The following WWOX variants were observed in gnomAD, a reference collection of about 807,000 sequenced individuals.
WWOX encodes WW domain containing oxidoreductase.
WWOX carries 69 observed loss-of-function variants against 46.2 expected under a neutral mutation model. The ratio of observed to expected loss-of-function variants is 1.49; its 90% CI spans 1.23 to 1.82. WWOX has a LOEUF of 1.82. Ranked by LOEUF, WWOX falls within the 40% of genes most tolerant of loss-of-function variation. WWOX has a pLI of 0.00. For synonymous variants in WWOX, 359 were observed against 202.6 expected (o/e 1.77, Z -6.56); for missense variants, 919 against 542.6 (o/e 1.69, Z -6.89).
At chr16:78,684,837 G>C (rs755280236) in intron 8 of WWOX, among the ~76,000 whole-genome samples, 27 of 152,198 alleles carry the variant, frequency 1.8e-4, no homozygotes, top group Non-Finnish European at 8.8e-5. Flanking sequence ...CTTCAGAAAA[G>C]AGGGAGCCAG....
chr16:78,720,134 A>G (rs1374403021), intron 8 of WWOX, among the ~76,000 whole-genome samples: 1 of 152,190 alleles, frequency 6.6e-6, no homozygotes, highest in African/African-American at 2.4e-5. Flanking sequence ...CTTACTGACA[A>G]TATTCCTTCT....
At chr16:78,868,577 G>A (rs1032076120) in intron 8 of WWOX, among the ~76,000 whole-genome samples, 1 of 152,142 alleles carries the variant, frequency 6.6e-6, no homozygotes, top group Admixed American at 6.5e-5. Flanking sequence ...ATTAAATCAG[G>A]TGACTGAGCC....
intron 8 of WWOX, among the ~76,000 whole-genome samples, chr16:78,829,317 C>T (rs907694067): frequency 6.6e-6 from 1 of 152,178 alleles, no homozygotes; most frequent in East Asian, 1.9e-4. Context: ...ACAAGCATCC[C>T]AGGTTGAAGA....
intron 8 of WWOX, among the ~76,000 whole-genome samples, chr16:79,036,045 C>A (rs546563284): frequency 6.6e-6 from 1 of 152,336 alleles, no homozygotes; most frequent in East Asian, 1.9e-4. Flanking sequence ...CACAGTCCAC[C>A]TCTGTGGTCT....
At chr16:78,865,093 T>G (rs985915622) in intron 8 of WWOX, among the ~76,000 whole-genome samples, 2 of 152,096 alleles carry the variant, frequency 1.3e-5, no homozygotes, top group African/African-American at 4.8e-5. Context: ...GTTAGTGCTT[T>G]AATATGTTAA....
At chr16:79,165,457 A>G (rs2050575201) in intron 8 of WWOX, among the ~76,000 whole-genome samples, 2 of 152,224 alleles carry the variant, frequency 1.3e-5, no homozygotes, top group African/African-American at 4.8e-5. Flanking sequence ...ATAAATGTCT[A>G]TAAAAAAATA....
intron 8 of WWOX, among the ~76,000 whole-genome samples, chr16:78,672,795 T>G (rs1265777313): frequency 6.6e-6 from 1 of 152,244 alleles, no homozygotes; most frequent in East Asian, 1.9e-4. Flanking sequence ...CTCTTGAGTT[T>G]CCAATGATAA....
rs71376394 is a variant in WWOX, at chr16:78,802,915, G to GAAAAAAA, written c.1056+370184_1056+370190dup. ...TGGGTCACAGAGCAAGACTTCATCT[G>GAAAAAAA]AAAAAAAAAAAAAAAAAAAAAAAAA... is the stretch of plus-strand genomic sequence containing the variant. On this transcript the variant is annotated intron_variant, in intron 8 of 8. Transcript: ENST00000566780. Among the ~76,000 whole-genome samples the GAAAAAAA allele has an allele frequency of 7.4e-3, 77 of 10,416 alleles. 14 individuals are homozygous for GAAAAAAA. Among genetic ancestry groups the GAAAAAAA allele is most frequent in the South Asian group, 0.011 (2 of 186 alleles). 6.8% of individuals were successfully genotyped at this position (10,416 alleles called of 152,430 possible).
intron 8 of WWOX, among the ~76,000 whole-genome samples, chr16:79,173,310 C>CCATG (rs1430910907): frequency 9.8e-6 from 1 of 101,762 alleles, no homozygotes; most frequent in Non-Finnish European, 2.0e-5. Context: ...CATGTGCCAT[C>CCATG]TTAGAGACGT....
At chr16:78,975,054 C>G (rs901516067) in intron 8 of WWOX, among the ~76,000 whole-genome samples, 3 of 152,316 alleles carry the variant, frequency 2.0e-5, no homozygotes, top group South Asian at 4.1e-4. Context: ...TCACTATTGT[C>G]AAGGCTGGGC....
chr16:79,008,461 T>G (rs1438499025), intron 8 of WWOX, among the ~76,000 whole-genome samples: 1 of 152,088 alleles, frequency 6.6e-6, no homozygotes, highest in Non-Finnish European at 1.5e-5. Flanking sequence ...GGGGGCAAAT[T>G]ATCCCATCAT....
At chr16:78,636,568 C>T (rs900857959) in intron 8 of WWOX, among the ~76,000 whole-genome samples, 1 of 152,112 alleles carries the variant, frequency 6.6e-6, no homozygotes, top group Non-Finnish European at 1.5e-5. Context: ...AGTCCTTTTG[C>T]TTACTAGTAA....
At chr16:78,842,493 A>G (rs2052182663) in intron 8 of WWOX, among the ~76,000 whole-genome samples, 1 of 103,584 alleles carries the variant, frequency 9.7e-6, no homozygotes, top group African/African-American at 3.4e-5. Context: ...AAAAAGTGAC[A>G]CCCTGTTTCG....
chr16:78,972,702 CT>C (rs1424474989), intron 8 of WWOX, among the ~76,000 whole-genome samples: 2 of 152,212 alleles, frequency 1.3e-5, no homozygotes, highest in African/African-American at 4.8e-5. Flanking sequence ...CTGCCTTCTC[CT>C]CCCTGACCTC....
chr16:78,377,381 T>G (rs745457427), intron 5 of WWOX, among the ~76,000 whole-genome samples: 1 of 152,242 alleles, frequency 6.6e-6, no homozygotes, highest in Non-Finnish European at 1.5e-5. Context: ...TCAGCTATTT[T>G]ATATGCCATT....
chr16:78,917,596 C>G (rs929685934), intron 8 of WWOX, among the ~76,000 whole-genome samples: 7 of 152,044 alleles, frequency 4.6e-5, no homozygotes, highest in East Asian at 1.9e-4. Context: ...TATTTTCATT[C>G]TTTTGCAGCT....
intron 5 of WWOX, among the ~76,000 whole-genome samples, chr16:78,328,393 C>A (rs941990845): frequency 1.3e-5 from 2 of 152,104 alleles, no homozygotes; most frequent in South Asian, 4.1e-4. Context: ...ATTTAGAATC[C>A]TTCAACACAT....
At chr16:78,561,826 G>C (rs904479545) in intron 8 of WWOX, among the ~76,000 whole-genome samples, 2 of 152,242 alleles carry the variant, frequency 1.3e-5, no homozygotes, top group Non-Finnish European at 1.5e-5. Flanking sequence ...CTATGGCTCA[G>C]GATCTTCAGT....
At chr16:78,202,996 C>T (rs987852463) in intron 5 of WWOX, among the ~76,000 whole-genome samples, 2 of 152,188 alleles carry the variant, frequency 1.3e-5, no homozygotes, top group African/African-American at 2.4e-5. Context: ...GGCTGTCTGC[C>T]AACTATGGAA....
Sources: gnomAD v4.1 joint callset for allele counts (sites outside exome capture counted in the v4.1 genomes callset) on GRCh38, gnomAD v4.1.1 for gene constraint, MANE v1.5 for transcripts, NCBI Gene and HGNC (gene_info 2026-07-23, HGNC 2026-07-21) for gene names.